Variants in NAALAD2 observed in about 807,000 individuals in gnomAD.
NAALAD2 encodes the protein N-acetylated alpha-linked acidic dipeptidase 2.
In NAALAD2, 89 loss-of-function variants were observed where a neutral mutation model predicts 95.6. The ratio of observed to expected loss-of-function variants is 0.93; its 90% CI spans 0.78 to 1.11. The LOEUF (loss-of-function observed/expected upper bound fraction) is 1.11. NAALAD2 is among the 50% of genes least tolerant of loss of function. NAALAD2 has a pLI of 0.00. For synonymous variants in NAALAD2, 264 were observed against 294.4 expected, an observed-to-expected ratio of 0.90 and a Z score of 1.06; for missense variants, 894 against 872.4, an observed-to-expected ratio of 1.02 and a Z score of -0.31.
At chr11:90,143,046 T>A (rs1411987630) in intron 2 of NAALAD2, among the ~76,000 whole-genome samples, 3 of 152,128 alleles carry the variant, frequency 2.0e-5, no homozygotes, top group African/African-American at 4.8e-5. Flanking sequence ...GTATTATACA[T>A]ACATGAAATA....
chr11:90,151,977 A>T (rs536184923), intron 5 of NAALAD2, among the ~76,000 whole-genome samples: 3 of 152,322 alleles, frequency 2.0e-5, no homozygotes, highest in African/African-American at 7.2e-5. Context: ...TATTTAATAG[A>T]TGTTTTAATA....
intron 11 of NAALAD2, among the ~76,000 whole-genome samples, chr11:90,164,690 A>T (rs1438423190): frequency 6.6e-6 from 1 of 152,126 alleles, no homozygotes; most frequent in Non-Finnish European, 1.5e-5. Context: ...TGATCAATAA[A>T]TGTTGGCTCC....
rs576502653 is a variant in NAALAD2 at position 90,177,901 on chromosome 11, A to G, written c.1642A>G (p.Thr548Ala). ...CCCAGTGTACCACACAATTTATGAG[A>G]CATTTGAATTGGTAGAGAAATTTTA... Reference protein sequence around the residue: ...SYPVYHTIYETFELVEKFYDP... With the variant: ...SYPVYHTIYEAFELVEKFYDP... The change falls in exon 16 of 19, where the codon ACA becomes GCA. Residue 548 changes from threonine (T) to alanine (A), a missense_variant. Coordinates refer to ENST00000534061, the MANE Select transcript of NAALAD2 (RefSeq NM_005467.4). 40 of 1,613,670 alleles carry G rather than the reference A, an allele frequency of 2.5e-5. No individual in the cohort carries two copies. Among genetic ancestry groups the G allele is most frequent in the Admixed American group, 1.2e-4 (7 of 60,008 alleles).
chr11:90,169,932 T>G lies in NAALAD2; in HGVS notation c.1343-137T>G, dbSNP rs964232993. On this transcript the variant is annotated intron_variant, in intron 12 of 18. Coordinates refer to ENST00000534061, the MANE Select transcript of NAALAD2 (RefSeq NM_005467.4). Reference sequence around the variant, plus strand: ...TCCTGAAGAACTATTTCCACCCTGTTTTATTCTTTGGGAATAAAATCTTTG... The same window carrying G: ...TCCTGAAGAACTATTTCCACCCTGTGTTATTCTTTGGGAATAAAATCTTTG... 85 of 658,478 alleles carry G rather than the reference T, an allele frequency of 1.3e-4. 1 individual carries two copies. The Middle Eastern group carries it at 2.5e-3, about 20-fold the overall frequency. The allele number at this position is 658,478 out of a possible 1,614,324, so 40.8% of individuals were successfully genotyped here.
intron 11 of NAALAD2, among the ~76,000 whole-genome samples, chr11:90,167,179 G>C (rs1195341925): frequency 6.6e-6 from 1 of 152,170 alleles, no homozygotes; most frequent in Non-Finnish European, 1.5e-5. Context: ...CAGCTTGCTG[G>C]GAGCTGTGGA....
Position 90,134,729 on chromosome 11 carries a change from A to C in NAALAD2, c.-30A>C. ...CAGCCCCGAAGCTCGCGAATGTAGC[A>C]GGCGCCCCAAGCTCGGTCCTCAAGA... On this transcript the variant is annotated 5_prime_UTR_variant, in exon 1 of 19. Transcript: ENST00000534061. 6.2e-7 allele frequency: 1 copy of C among 1,609,482 alleles called. No homozygotes were observed. The highest frequency in any genetic ancestry group is 8.5e-7 in the Non-Finnish European group (1 of 1,176,838).
chr11:90,168,844 T>C (rs1952552673), intron 11 of NAALAD2, 85 bp from the exon 12 acceptor site: 2 of 1,133,580 alleles, frequency 1.8e-6, no homozygotes, highest in East Asian at 2.4e-5. Flanking sequence ...GTAAACCGCT[T>C]TTCCACGAAA....
Position 90,162,952 on chromosome 11 carries a change from G to T in NAALAD2, c.993G>T (p.Lys331Asn), listed in dbSNP as rs771941378. The T allele has an allele frequency of 6.7e-7, 1 of 1,489,400 alleles. No individual in the cohort carries two copies. The highest frequency in any genetic ancestry group is 9.2e-7 in the Non-Finnish European group (1 of 1,083,340). The allele number at this position is 1,489,400 out of a possible 1,614,324, so 92.3% of individuals were successfully genotyped here. Residue 331 changes from lysine to asparagine, a missense_variant, in exon 9 of 19, where the codon AAG becomes AAT. Physicochemically the swap from Lys to Asn is moderately conservative, Grantham distance 94. Transcript: ENST00000534061. ...TTTATTCCTTTTAAAATTCTAGGAA[G>T]GTTAGAATGCATGTTTATAACATCA... ...PGFTGSDSFR[K>N]VRMHVYNINK...
rs748975265 is a variant in NAALAD2, at chr11:90,134,723, T to A, written c.-36T>A. ...TCTCTGCAGCCCCGAAGCTCGCGAA[T>A]GTAGCAGGCGCCCCAAGCTCGGTCC... On this transcript the variant is annotated 5_prime_UTR_variant, in exon 1 of 19. It removes an upstream start codon present in the reference 5' UTR. Coordinates refer to ENST00000534061, the MANE Select transcript of NAALAD2 (RefSeq NM_005467.4). 4 of 1,606,374 alleles carry A rather than the reference T, an allele frequency of 2.5e-6. No individual in the cohort carries two copies. The African/African-American group carries it at 4.0e-5, about 16-fold the overall frequency.
intron 11 of NAALAD2, among the ~76,000 whole-genome samples, chr11:90,166,705 G>A (rs1279946071): frequency 6.6e-6 from 1 of 151,902 alleles, no homozygotes; most frequent in Admixed American, 6.6e-5. Flanking sequence ...CGCAGTGGTG[G>A]GTGCCTGTAG....
intron 18 of NAALAD2, 44 bp downstream of exon 18, chr11:90,183,052 C>T (rs763330600): frequency 7.0e-7 from 1 of 1,430,370 alleles, no homozygotes; most frequent in African/African-American, 1.4e-5. Context: ...TGACCAAAAC[C>T]AGCATACCTA....
chr11:90,172,365 A>AT (rs1394363622), intron 13 of NAALAD2, among the ~76,000 whole-genome samples: 1 of 152,130 alleles, frequency 6.6e-6, no homozygotes, highest in Non-Finnish European at 1.5e-5. Context: ...CAGCCCTACC[A>AT]TTACTCTGTG....
At chr11:90,151,994 G>A (rs1951899891) in intron 5 of NAALAD2, among the ~76,000 whole-genome samples, 1 of 152,094 alleles carries the variant, frequency 6.6e-6, no homozygotes, top group Non-Finnish European at 1.5e-5. Context: ...AATACATTAA[G>A]AGCTATCCTA....
At chr11:90,188,038 G>A (rs1292437147) in intron 18 of NAALAD2, among the ~76,000 whole-genome samples, 9 of 152,124 alleles carry the variant, frequency 5.9e-5, no homozygotes, top group East Asian at 3.9e-4. Context: ...TACAGAAAAC[G>A]GAAATGAGTA....
At chr11:90,170,047 C>CT (rs776017130) in intron 12 of NAALAD2, 22 bp from the exon 13 acceptor site, 7 of 1,389,820 alleles carry the variant, frequency 5.0e-6, no homozygotes, top group South Asian at 4.7e-5. Flanking sequence ...AAATAATACT[C>CT]TGTGTCTTAT....
At chr11:90,147,577 A>G (rs1951776824) in intron 3 of NAALAD2, 61 bp downstream of exon 3, 2 of 1,406,678 alleles carry the variant, frequency 1.4e-6, no homozygotes, top group African/African-American at 1.4e-5. Context: ...GTGGATTGTA[A>G]TGTAGGGTCA....
At chr11:90,178,882 T>G (rs887489674) in intron 16 of NAALAD2, among the ~76,000 whole-genome samples, 6 of 152,314 alleles carry the variant, frequency 3.9e-5, no homozygotes, top group Middle Eastern at 3.4e-3. Context: ...AATGACTGTT[T>G]AGTGGTTGCT....
intron 6 of NAALAD2, among the ~76,000 whole-genome samples, chr11:90,154,873 C>T (rs1295826981): frequency 1.0e-4 from 12 of 118,216 alleles, no homozygotes; most frequent in Non-Finnish European, 1.7e-4. Flanking sequence ...ATATTATATA[C>T]GTATACATAA....
chr11:90,144,740 T>TAAAAAAA lies in NAALAD2; in HGVS notation c.195-2581_195-2575dup, dbSNP rs773275468. Among the ~76,000 whole-genome samples, 318 of 90,888 alleles carry TAAAAAAA rather than the reference T, an allele frequency of 3.5e-3. 9 individuals are homozygous for TAAAAAAA. The highest frequency in any genetic ancestry group is 0.012 in the African/African-American group (235 of 20,274). The allele number at this position is 90,888 out of a possible 152,430, so 59.6% of individuals were successfully genotyped here. A position where few individuals can be genotyped will look rare whatever the true frequency, so the allele number is the denominator to read the frequency against. ...CTGGGCAACAAGAGCAAAACTCCATTAAAAAAAAAAAAAAACGGAAAAGAA... is the reference window on the plus strand; with the variant it reads ...CTGGGCAACAAGAGCAAAACTCCATTAAAAAAAAAAAAAAAAAAAAAACGGAAAAGAA... On this transcript the variant is annotated intron_variant, in intron 2 of 18. Transcript: ENST00000534061.
Sources: gnomAD v4.1 joint callset for allele counts (sites outside exome capture counted in the v4.1 genomes callset) on GRCh38, gnomAD v4.1.1 for gene constraint, MANE v1.5 for transcripts, NCBI Gene and HGNC (gene_info 2026-07-23, HGNC 2026-07-21) for gene names.